The following MAX variants were observed in gnomAD, a reference collection of about 807,000 sequenced individuals.
The protein encoded by MAX is MYC associated transcriptional regulator X, also known as protein max.
Under a neutral mutation model 22.3 loss-of-function variants are expected in MAX, and 3 were observed. That is an observed-to-expected ratio of 0.13 (90% CI 0.06 to 0.35). The LOEUF (loss-of-function observed/expected upper bound fraction) is 0.35, where lower values mean the gene tolerates loss of function less well. MAX is among the 10% of genes least tolerant of loss of function. The pLI is 1.00. For synonymous variants in MAX, 72 were observed against 77.7 expected (o/e 0.93, Z 0.39); for missense variants, 119 against 209.4 (o/e 0.57, Z 2.66).
At position 65,058,461 on chromosome 14, in the gene MAX, T is replaced by C. The variant is rs569214113; in HGVS notation, c.171+35247A>G. On this transcript the variant is annotated intron_variant, in intron 3 of 3. Coordinates refer to the MAX transcript ENST00000341653. The stretch of plus-strand genomic sequence containing the variant: ...TAAGTTAGTTTCCATTTTATTTTTC[T>C]TGCCTTGTATTGTTGGGTAAGATCC... Among the ~76,000 whole-genome samples the C allele has an allele frequency of 2.6e-5, 4 of 152,316 alleles. No individual in the cohort carries two copies. The South Asian group carries it at 8.3e-4, about 32-fold the overall frequency.
chr14:65,021,738 C>T (rs1283162330), intron 3 of MAX, among the ~76,000 whole-genome samples: 3 of 152,160 alleles, frequency 2.0e-5, no homozygotes, highest in African/African-American at 7.2e-5. Flanking sequence ...TTCCACCTTC[C>T]GGGTTCAAGC....
intron 3 of MAX, among the ~76,000 whole-genome samples, chr14:65,063,314 C>T (rs1303556044): frequency 6.6e-6 from 1 of 152,186 alleles, no homozygotes; most frequent in East Asian, 1.9e-4. Flanking sequence ...ATCCTCTCAG[C>T]ACTCGGAGCC....
chr14:65,075,557 T>C lies in MAX; in HGVS notation c.*919A>G. 7.5e-6 allele frequency: 8 copies of C among 1,066,016 alleles called. No homozygotes were observed. The highest frequency in any genetic ancestry group is 9.1e-6 in the Non-Finnish European group (8 of 879,466). The allele number at this position is 1,066,016 out of a possible 1,614,324, so 66.0% of individuals were successfully genotyped here. On this transcript the variant is annotated 3_prime_UTR_variant, in exon 5 of 5. Coordinates refer to ENST00000358664, the MANE Select transcript of MAX (RefSeq NM_002382.5). The surrounding 1 kb of genome is among the most constrained non-coding windows in gnomAD (Gnocchi z 4.1). ...ACGGGAAGAAAGAAAGATTTCATCATTACTTTATGAATCTGTCGCTTTGCA... is the reference window on the plus strand; with the variant it reads ...ACGGGAAGAAAGAAAGATTTCATCACTACTTTATGAATCTGTCGCTTTGCA...
chr14:65,038,392 AGT>A (rs1954838462), intron 3 of MAX, among the ~76,000 whole-genome samples: 1 of 151,340 alleles, frequency 6.6e-6, no homozygotes, highest in African/African-American at 2.4e-5. Context: ...CCCAGGTGAC[AGT>A]GTGAGACTCC....
intron 2 of MAX, among the ~76,000 whole-genome samples, chr14:65,096,053 C>A (rs1202886413): frequency 2.6e-5 from 4 of 152,190 alleles, no homozygotes; most frequent in Non-Finnish European, 5.9e-5. Flanking sequence ...GGCTGTAGAT[C>A]ATGAGCAGAA....
intron 3 of MAX, among the ~76,000 whole-genome samples, chr14:65,024,094 T>G (rs1296199336): frequency 6.8e-6 from 1 of 146,524 alleles, no homozygotes; most frequent in African/African-American, 2.5e-5. Context: ...AGAGGGACAC[T>G]CCATCTCCTA....
At chr14:65,073,557 A>G (rs997753529), downstream of MAX, among the ~76,000 whole-genome samples, 2 of 152,232 alleles carry the variant, frequency 1.3e-5, no homozygotes, top group African/African-American at 4.8e-5. Flanking sequence ...CACAGTGACC[A>G]AGCAAATCTA....
At chr14:65,099,264 G>A (rs2063758255) in intron 2 of MAX, among the ~76,000 whole-genome samples, 1 of 152,034 alleles carries the variant, frequency 6.6e-6, no homozygotes, top group South Asian at 2.1e-4. Flanking sequence ...ACATTGTGCA[G>A]AGTAATATTT....
intron 3 of MAX, among the ~76,000 whole-genome samples, chr14:65,056,446 A>G (rs1216928858): frequency 6.6e-6 from 1 of 152,232 alleles, no homozygotes; most frequent in African/African-American, 2.4e-5. Context: ...CATCTTTGAT[A>G]GATACCTCTG....
At chr14:65,086,667 G>A (rs578183641) in intron 3 of MAX, among the ~76,000 whole-genome samples, 1 of 152,348 alleles carries the variant, frequency 6.6e-6, no homozygotes, top group East Asian at 1.9e-4. Flanking sequence ...TGACTTGGGT[G>A]CTGTAAAAGG....
At position 65,102,396 on chromosome 14, in the gene MAX, G is replaced by A. The variant is rs957432183; in HGVS notation, c.-57C>T. ...GGCGGCGGGGAGGGGAAGGGGTGAA[G>A]GGGAGGGGGAAGTCACCGACAACAA... On this transcript the variant is annotated 5_prime_UTR_variant, in exon 1 of 5. Transcript: ENST00000358664. The A allele has an allele frequency of 2.5e-6, 4 of 1,593,556 alleles. No individual in the cohort carries two copies. The highest frequency in any genetic ancestry group is 1.3e-5 in the African/African-American group (1 of 74,414).
At chr14:65,037,254 C>G (rs986161127) in intron 3 of MAX, among the ~76,000 whole-genome samples, 1 of 151,244 alleles carries the variant, frequency 6.6e-6, no homozygotes, top group Non-Finnish European at 1.5e-5. Flanking sequence ...CAGAAGCCCA[C>G]GACCACGCCC....
At position 65,032,116 on chromosome 14, in the gene MAX, A is replaced by G. The variant is rs1053038502; in HGVS notation, c.172-25832T>C. The stretch of plus-strand genomic sequence containing the variant: ...ACCTGTTCCTATCCTTGTTTGATCT[A>G]TTACAATTTGGTGGCCTGTTTTGCA... On this transcript the variant is annotated intron_variant, in intron 3 of 3. Transcript: ENST00000341653. The surrounding 1 kb of genome is among the most constrained non-coding windows in gnomAD (Gnocchi z 5.0). Among the ~76,000 whole-genome samples the G allele has an allele frequency of 6.6e-6, 1 of 151,738 alleles. No individual in the cohort carries two copies. Among genetic ancestry groups the G allele is most frequent in the South Asian group, 2.1e-4 (1 of 4,814 alleles).
At chr14:65,006,391 AT>A in intron 3 of MAX, 1 of 1,505,856 alleles carries the variant, frequency 6.6e-7, no homozygotes, top group South Asian at 1.2e-5. Context: ...AATAAAATGA[AT>A]TATTCCTCTT....
rs1290626801 is a variant in MAX at position 65,011,623 on chromosome 14, G to A, written c.172-5339C>T. Among the ~76,000 whole-genome samples, 1 of 152,190 alleles carries A rather than the reference G, an allele frequency of 6.6e-6. No individual in the cohort carries two copies. The highest frequency in any genetic ancestry group is 2.4e-5 in the African/African-American group (1 of 41,444). The stretch of plus-strand genomic sequence containing the variant: ...TTTTGTTTCCTTCCCTAGTCACACA[G>A]GCTCTTCTGCCAGACCAAGAAAGAA... On this transcript the variant is annotated intron_variant, in intron 3 of 3. Transcript: ENST00000341653. This position sits in a 1 kb window ranked among gnomAD's most constrained non-coding sequence, Gnocchi z 4.0.
intron 3 of MAX, among the ~76,000 whole-genome samples, chr14:65,017,455 C>G (rs2061798146): frequency 6.6e-6 from 1 of 152,022 alleles, no homozygotes; most frequent in African/African-American, 2.4e-5. Context: ...ACAGGGGGTG[C>G]CTGAGGTGGA....
At chr14:65,042,365 G>A (rs528583608) in intron 3 of MAX, among the ~76,000 whole-genome samples, 4 of 152,286 alleles carry the variant, frequency 2.6e-5, no homozygotes, top group African/African-American at 9.6e-5. Flanking sequence ...CCCATTTGGG[G>A]GTGATGGGAG....
intron 3 of MAX, among the ~76,000 whole-genome samples, chr14:65,066,203 G>C (rs1463041682): frequency 1.3e-5 from 2 of 152,238 alleles, no homozygotes; most frequent in Non-Finnish European, 2.9e-5. Context: ...TTGCCACCAA[G>C]TGTGTGGCCA....
chr14:65,080,411 G>A (rs1224735441), intron 3 of MAX, among the ~76,000 whole-genome samples: 9 of 152,278 alleles, frequency 5.9e-5, no homozygotes, highest in African/African-American at 1.2e-4. Context: ...TGGAAAAAAG[G>A]AGCACATAAT....
Sources: gnomAD v4.1 joint callset for allele counts (sites outside exome capture counted in the v4.1 genomes callset) on GRCh38, gnomAD v4.1.1 for gene constraint, Gnocchi (gnomAD v3.1) non-coding constraint, MANE v1.5 for transcripts, NCBI Gene and HGNC (gene_info 2026-07-23, HGNC 2026-07-21) for gene names.